Variants in SUPT3H observed in about 807,000 individuals in gnomAD.
SUPT3H encodes the protein transcription initiation protein SPT3 homolog.
SUPT3H carries 44 observed loss-of-function variants against 44.3 expected under a neutral mutation model. The ratio of observed to expected loss-of-function variants is 0.99; its 90% CI spans 0.78 to 1.28. The LOEUF is 1.28. Ranked by LOEUF, SUPT3H falls within the 50% of genes most tolerant of loss-of-function variation. The pLI is 0.00. For synonymous variants in SUPT3H, 124 were observed against 125.6 expected (o/e 0.99, Z 0.09); for missense variants, 380 against 387.1 (o/e 0.98, Z 0.15).
chr6:45,367,545 C>A (rs575796077), intron 1 of SUPT3H, among the ~76,000 whole-genome samples: 21 of 151,794 alleles, frequency 1.4e-4, no homozygotes, highest in Non-Finnish European at 2.2e-4. Context: ...GGACAAAATG[C>A]GAAAAAAAGG....
chr6:45,053,837 C>T (rs1186933363), intron 3 of SUPT3H, among the ~76,000 whole-genome samples: 4 of 150,370 alleles, frequency 2.7e-5, no homozygotes, highest in Non-Finnish European at 5.9e-5. Context: ...ATGGCATGAA[C>T]CCAGGAGGCA....
Position 45,284,602 on chromosome 6 carries a change from A to C in SUPT3H, c.101+80599T>G, listed in dbSNP as rs1341544237. ...GGCTCTGAAATAGAGGCAATAATTA[A>C]TAGCTTACCAACCAAAAAAAGTCCA... On this transcript the variant is annotated intron_variant, in intron 2 of 10. Coordinates refer to ENST00000371459, the MANE Select transcript of SUPT3H (RefSeq NM_003599.4). Among the ~76,000 whole-genome samples the C allele has an allele frequency of 2.0e-5, 3 of 152,358 alleles. No individual in the cohort carries two copies. The East Asian group carries it at 5.8e-4, about 29-fold the overall frequency.
chr6:44,848,122 C>G (rs915203847), intron 10 of SUPT3H, among the ~76,000 whole-genome samples: 1 of 139,002 alleles, frequency 7.2e-6, no homozygotes, highest in African/African-American at 2.5e-5. Context: ...TGTGCCACCA[C>G]ACTCAGCTAA....
chr6:45,338,466 A>C (rs1362247334), intron 2 of SUPT3H, among the ~76,000 whole-genome samples: 1 of 152,094 alleles, frequency 6.6e-6, no homozygotes, highest in Non-Finnish European at 1.5e-5. Flanking sequence ...TAAAAAGCTG[A>C]TGGTACTATA....
intron 2 of SUPT3H, among the ~76,000 whole-genome samples, chr6:45,347,683 A>T (rs1278562065): frequency 6.6e-6 from 1 of 152,110 alleles, no homozygotes; most frequent in East Asian, 1.9e-4. Flanking sequence ...TAATCCTGTG[A>T]GATTATTCCC....
chr6:44,844,361 A>G (rs1009039123), intron 10 of SUPT3H, among the ~76,000 whole-genome samples: 1 of 152,238 alleles, frequency 6.6e-6, no homozygotes, highest in African/African-American at 2.4e-5. Flanking sequence ...TCTGTAAAAA[A>G]AAGATCGATA....
intron 10 of SUPT3H, among the ~76,000 whole-genome samples, chr6:44,906,489 C>T (rs1397647775): frequency 2.0e-5 from 3 of 152,138 alleles, no homozygotes; most frequent in Admixed American, 6.5e-5. Context: ...AGTGGCTGGG[C>T]GCGGTGGCTC....
At chr6:45,225,697 C>A (rs956654812) in intron 2 of SUPT3H, among the ~76,000 whole-genome samples, 2 of 152,054 alleles carry the variant, frequency 1.3e-5, no homozygotes, top group East Asian at 3.9e-4. Context: ...GTGTATATAA[C>A]AATAATCCAC....
At chr6:45,291,381 A>C (rs1483103649) in intron 2 of SUPT3H, among the ~76,000 whole-genome samples, 1 of 152,166 alleles carries the variant, frequency 6.6e-6, no homozygotes, top group Non-Finnish European at 1.5e-5. Flanking sequence ...TAATATGACA[A>C]AACAAGGTTC....
intron 10 of SUPT3H, among the ~76,000 whole-genome samples, chr6:44,842,294 C>T (rs926385152): frequency 6.6e-6 from 1 of 151,974 alleles, no homozygotes; most frequent in African/African-American, 2.4e-5. Context: ...ACAGGAGTCT[C>T]ACTTTGGGCT....
At position 44,954,514 on chromosome 6, in the gene SUPT3H, G is replaced by A. The variant is rs1254901665; in HGVS notation, c.674C>T (p.Ala225Val). Residue 225 changes from alanine to valine, a missense_variant, in exon 8 of 11, where the codon GCG becomes GTG. By Grantham distance (64) the Ala-to-Val change is moderately conservative. Coordinates refer to ENST00000371459, the MANE Select transcript of SUPT3H (RefSeq NM_003599.4). The stretch of plus-strand genomic sequence containing the variant: ...TCTTACCTGTGCCACAGTTTCATAC[G>A]CTAAATATGCTAAGATTTCCATTGC... ...VVAMEILAYL[A>V]YETVAQLVDL... 1.9e-6 allele frequency: 3 copies of A among 1,613,518 alleles called. No homozygotes were observed. The highest frequency in any genetic ancestry group is 2.5e-6 in the Non-Finnish European group (3 of 1,179,512).
intron 10 of SUPT3H, among the ~76,000 whole-genome samples, chr6:44,892,038 A>G (rs1763389856): frequency 6.6e-6 from 1 of 152,074 alleles, no homozygotes; most frequent in Admixed American, 6.6e-5. Context: ...ATGAAATGTT[A>G]GTATTTTCTT....
chr6:45,099,234 G>T, intron 3 of SUPT3H: 1 of 200,452 alleles, frequency 5.0e-6, no homozygotes, highest in South Asian at 8.8e-5. Context: ...CAGAGGATGG[G>T]AGCTCATGCC....
intron 10 of SUPT3H, among the ~76,000 whole-genome samples, chr6:44,923,150 TA>T (rs779367535): frequency 3.9e-5 from 6 of 152,160 alleles, no homozygotes; most frequent in Admixed American, 2.0e-4. Flanking sequence ...CAAGATACAG[TA>T]TACCTGTTAT....
intron 2 of SUPT3H, among the ~76,000 whole-genome samples, chr6:45,280,575 A>G (rs150177873): frequency 1.4e-3 from 206 of 152,304 alleles, no homozygotes; most frequent in African/African-American, 4.8e-3. Context: ...AAACAGAAAA[A>G]GAAAAAAAGG....
chr6:45,195,394 A>C (rs1258273624), intron 2 of SUPT3H, among the ~76,000 whole-genome samples: 1 of 152,136 alleles, frequency 6.6e-6, no homozygotes, highest in Non-Finnish European at 1.5e-5. Flanking sequence ...AGAGGCATTT[A>C]GGAACCCCTG....
intron 6 of SUPT3H, among the ~76,000 whole-genome samples, chr6:44,998,008 C>A (rs1781500868): frequency 6.6e-6 from 1 of 151,760 alleles, no homozygotes; most frequent in Non-Finnish European, 1.5e-5. Flanking sequence ...ATACATTTTT[C>A]ATTATATATA....
chr6:44,846,237 AC>A (rs1206260830), intron 10 of SUPT3H, among the ~76,000 whole-genome samples: 2 of 152,012 alleles, frequency 1.3e-5, no homozygotes, highest in Non-Finnish European at 1.5e-5. Context: ...CTTTGCACTC[AC>A]TCTGCTCTGT....
intron 6 of SUPT3H, among the ~76,000 whole-genome samples, chr6:44,988,385 C>A (rs1780111850): frequency 1.3e-5 from 2 of 150,424 alleles, no homozygotes; most frequent in African/African-American, 4.9e-5. Flanking sequence ...ACTAAAATAC[C>A]TAATAAAGGA....
Sources: gnomAD v4.1 joint callset for allele counts (sites outside exome capture counted in the v4.1 genomes callset) on GRCh38, gnomAD v4.1.1 for gene constraint, MANE v1.5 for transcripts, NCBI Gene and HGNC (gene_info 2026-07-23, HGNC 2026-07-21) for gene names.